The following HRH1 variants were observed in gnomAD, a reference collection of about 807,000 sequenced individuals.
The protein encoded by HRH1 is histamine receptor H1, also known as histamine H1 receptor.
HRH1 carries 6 observed loss-of-function variants against 10.3 expected under a neutral mutation model. The ratio of observed to expected loss-of-function variants is 0.58; its 90% CI spans 0.32 to 1.15. The LOEUF (loss-of-function observed/expected upper bound fraction) is 1.15. Ranked by LOEUF, HRH1 falls within the 50% of genes most tolerant of loss-of-function variation. The probability of loss-of-function intolerance (pLI) is 0.05; values close to 1 mark genes in which losing one functional copy is unlikely to be tolerated. For synonymous variants in HRH1, 242 were observed against 236.7 expected (o/e 1.02, Z -0.21); for missense variants, 514 against 615.3 (o/e 0.84, Z 1.74).
intron 1 of HRH1, among the ~76,000 whole-genome samples, chr3:11,166,517 G>A (rs575006214): frequency 7.9e-5 from 12 of 150,984 alleles, no homozygotes; most frequent in East Asian, 7.9e-4. Flanking sequence ...CTCCAGGCCC[G>A]TGACATCTGC....
chr3:11,215,087 A>C (rs1938443977), intron 1 of HRH1, among the ~76,000 whole-genome samples: 1 of 152,220 alleles, frequency 6.6e-6, no homozygotes, highest in Non-Finnish European at 1.5e-5. Context: ...CAGGACAATA[A>C]AGGTGAAAAG....
Position 11,156,207 on chromosome 3 carries a change from G to A in HRH1, c.-36+1653G>A, listed in dbSNP as rs978887682. On this transcript the variant is annotated intron_variant, in intron 1 of 1. Transcript: ENST00000431010. Reference sequence around the variant, plus strand: ...GTGTGGGGAGAATCTACGGAGAAGGGCAGGGGATGCCTGGCATTGTTTTCA... The same window carrying A: ...GTGTGGGGAGAATCTACGGAGAAGGACAGGGGATGCCTGGCATTGTTTTCA... Among the ~76,000 whole-genome samples the A allele has an allele frequency of 1.2e-4, 19 of 152,328 alleles. No individual in the cohort carries two copies. The South Asian group carries it at 3.9e-3, about 32-fold the overall frequency.
At chr3:11,168,124 C>T (rs992771203) in intron 1 of HRH1, among the ~76,000 whole-genome samples, 2 of 152,048 alleles carry the variant, frequency 1.3e-5, no homozygotes, top group African/African-American at 4.8e-5. Context: ...AGCATGCATG[C>T]CCGTATCTCA....
chr3:11,179,037 C>T (rs1937299605), intron 1 of HRH1, among the ~76,000 whole-genome samples: 1 of 152,168 alleles, frequency 6.6e-6, no homozygotes, highest in African/African-American at 2.4e-5. Flanking sequence ...CCTGTAATCC[C>T]AGCACTTTGG....
At chr3:11,206,840 A>G (rs1938148178) in intron 1 of HRH1, among the ~76,000 whole-genome samples, 1 of 152,226 alleles carries the variant, frequency 6.6e-6, no homozygotes, top group East Asian at 1.9e-4. Flanking sequence ...GCACCCTCGA[A>G]GGGCACAAGG....
At chr3:11,225,009 C>A (rs1051717145) in intron 1 of HRH1, among the ~76,000 whole-genome samples, 1 of 152,104 alleles carries the variant, frequency 6.6e-6, no homozygotes, top group Admixed American at 6.6e-5. Flanking sequence ...AAGTAGGCAA[C>A]GTCAAAGTGG....
chr3:11,164,513 G>GTGTTTTGTTTTGTTTTGTTTTGTTT (rs55637138), intron 1 of HRH1, among the ~76,000 whole-genome samples: 9 of 151,512 alleles, frequency 5.9e-5, no homozygotes, highest in African/African-American at 2.2e-4. Context: ...GAAATTGATG[G>GTGTTTTGTTTTGTTTTGTTTTGTTT]TGTTTTGTTT....
At chr3:11,236,316 C>T (rs1939179769) in intron 1 of HRH1, among the ~76,000 whole-genome samples, 2 of 152,212 alleles carry the variant, frequency 1.3e-5, no homozygotes, top group African/African-American at 4.8e-5. Context: ...GTAATCCCAG[C>T]AACCTGGGAG....
chr3:11,196,715 A>T (rs909574968), intron 1 of HRH1, among the ~76,000 whole-genome samples: 1 of 152,048 alleles, frequency 6.6e-6, no homozygotes, highest in East Asian at 1.9e-4. Context: ...ACTGTGTATG[A>T]TGCTGTCACA....
At chr3:11,258,907 C>A in intron 1 of HRH1, 96 bp from the exon 2 acceptor site, 1 of 841,842 alleles carries the variant, frequency 1.2e-6, no homozygotes, top group East Asian at 2.6e-5. Flanking sequence ...TGATCACCCC[C>A]AACAGCATAC....
chr3:11,174,379 C>G (rs566280727), intron 1 of HRH1, among the ~76,000 whole-genome samples: 2 of 152,298 alleles, frequency 1.3e-5, no homozygotes, highest in South Asian at 4.1e-4. Flanking sequence ...GAGGCCATCT[C>G]AGCGCTGACT....
upstream of HRH1, among the ~76,000 whole-genome samples, chr3:11,150,738 C>T (rs1936591214): frequency 6.6e-6 from 1 of 151,886 alleles, no homozygotes; most frequent in African/African-American, 2.4e-5. Flanking sequence ...AACTTCCTCT[C>T]CCCAGGCCTT....
At chr3:11,179,707 T>C (rs563276030) in intron 1 of HRH1, among the ~76,000 whole-genome samples, 1 of 151,524 alleles carries the variant, frequency 6.6e-6, no homozygotes, top group East Asian at 1.9e-4. Context: ...AACTCACTTA[T>C]TTGAGTAAGT....
intron 1 of HRH1, chr3:11,253,031 C>G: frequency 6.6e-6 from 1 of 152,274 alleles, no homozygotes. Context: ...TTTGTCCCTG[C>G]TTCTGGAATT....
At chr3:11,250,816 C>T (rs1468804689) in intron 1 of HRH1, among the ~76,000 whole-genome samples, 2 of 152,148 alleles carry the variant, frequency 1.3e-5, no homozygotes, top group Non-Finnish European at 2.9e-5. Flanking sequence ...GGTGGATGCA[C>T]GGCATGTGGT....
chr3:11,260,380 A>G lies in HRH1; in HGVS notation c.1343A>G (p.His448Arg), dbSNP rs746862238. Residue 448 changes from histidine (H) to arginine (R), a missense_variant, in exon 2 of 2, where the codon CAT (histidine) becomes CGT (arginine). Physicochemically the swap from His to Arg is conservative, Grantham distance 29 (BLOSUM62 0). Coordinates refer to ENST00000431010, the MANE Select transcript of HRH1 (RefSeq NM_001098212.2). ...IAFCKNCCNEHLHMFTIWLGY... is the reference protein window; with the variant it reads ...IAFCKNCCNERLHMFTIWLGY... ...TTCTGCAAGAACTGTTGCAATGAAC[A>G]TTTGCACATGTTCACCATCTGGCTG... 4 of 1,614,174 alleles carry G rather than the reference A, an allele frequency of 2.5e-6. No individual in the cohort carries two copies. Among genetic ancestry groups the G allele is most frequent in the Admixed American group, 3.3e-5 (2 of 60,024 alleles).
chr3:11,182,363 T>G (rs1166478181), intron 1 of HRH1, among the ~76,000 whole-genome samples: 1 of 152,216 alleles, frequency 6.6e-6, no homozygotes, highest in African/African-American at 2.4e-5. Flanking sequence ...ACTTGCTGTG[T>G]TCCTAGATTA....
At chr3:11,214,139 C>T (rs1938417013) in intron 1 of HRH1, among the ~76,000 whole-genome samples, 1 of 152,104 alleles carries the variant, frequency 6.6e-6, no homozygotes, top group Non-Finnish European at 1.5e-5. Flanking sequence ...CCAGAGGCTG[C>T]AAACAGGAGG....
intron 1 of HRH1, among the ~76,000 whole-genome samples, chr3:11,222,407 C>T (rs1032206929): frequency 2.0e-5 from 3 of 152,096 alleles, no homozygotes; most frequent in Admixed American, 6.5e-5. Flanking sequence ...ATTATATATC[C>T]CAGGTGTTGT....
Sources: allele counts gnomAD v4.1 joint callset (sites outside exome capture counted in the v4.1 genomes callset), GRCh38; gene constraint gnomAD v4.1.1; transcripts MANE v1.5; gene names NCBI Gene and HGNC (gene_info 2026-07-23, HGNC 2026-07-21).